Variants in FANCB observed in about 807,000 individuals in gnomAD.
FANCB encodes Fanconi anemia group B protein.
A neutral mutation model predicts 38.9 loss-of-function variants in FANCB; 5 were observed. The ratio of observed to expected loss-of-function variants is 0.13; its 90% CI spans 0.07 to 0.27. The LOEUF is 0.27. Ranked by LOEUF, FANCB falls within the 10% of genes least tolerant of loss-of-function variation. The pLI is 1.00. For synonymous variants in FANCB, 236 were observed against 215.4 expected (o/e 1.10, Z -0.84); for missense variants, 573 against 602.7 (o/e 0.95, Z 0.52).
the FANCB span, among the ~76,000 whole-genome samples, chrX:14,790,620 G>A: frequency 1.1e-4 from 12 of 111,939 alleles, no homozygotes; most frequent in Non-Finnish European, 2.3e-4. Flanking sequence ...CTATCATGTT[G>A]AGATGCAGCC....
At chrX:14,698,490 C>A in the FANCB span, among the ~76,000 whole-genome samples, 1 of 108,329 alleles carries the variant, frequency 9.2e-6, no homozygotes, top group African/African-American at 3.4e-5. Context: ...ACCAGCCTGG[C>A]CAACATGTGA....
the FANCB span, among the ~76,000 whole-genome samples, chrX:14,765,255 T>C: frequency 9.0e-6 from 1 of 111,485 alleles, no homozygotes; most frequent in Non-Finnish European, 1.9e-5. Context: ...AATTGCAACT[T>C]TAGGAGAGAC....
downstream of FANCB, among the ~76,000 whole-genome samples, chrX:14,840,096 C>T (rs941863329): frequency 1.8e-5 from 2 of 111,848 alleles, no homozygotes; most frequent in East Asian, 2.8e-4. Context: ...CTCAGGTGAT[C>T]GGCCCACCTC....
At chrX:14,705,187 C>G in the FANCB span, among the ~76,000 whole-genome samples, 1 of 112,086 alleles carries the variant, frequency 8.9e-6, no homozygotes, top group Non-Finnish European at 1.9e-5. Context: ...CTTATCCTGC[C>G]TTGCTGATAC....
chrX:14,736,329 C>T, the FANCB span, among the ~76,000 whole-genome samples: 6 of 111,291 alleles, frequency 5.4e-5, no homozygotes, highest in South Asian at 3.8e-4. Flanking sequence ...CCCAAATGGC[C>T]GCCCAGTTTA....
the FANCB span, among the ~76,000 whole-genome samples, chrX:14,829,523 G>C: frequency 3.6e-4 from 40 of 111,224 alleles, no homozygotes; most frequent in Admixed American, 3.5e-3. Context: ...TTAAAAATCT[G>C]ATGTTTAGTA....
At chrX:14,815,987 A>G in the FANCB span, among the ~76,000 whole-genome samples, 2 of 112,034 alleles carry the variant, frequency 1.8e-5, no homozygotes, top group African/African-American at 6.5e-5. Context: ...AAAGTGTAGA[A>G]TAACAGACAT....
the FANCB span, among the ~76,000 whole-genome samples, chrX:14,787,788 C>A: frequency 1.0e-5 from 1 of 100,043 alleles, no homozygotes; most frequent in Non-Finnish European, 2.0e-5. Flanking sequence ...ATGAAACAGA[C>A]GTGACTTAGA....
chrX:14,744,007 T>C, the FANCB span, among the ~76,000 whole-genome samples: 1 of 112,097 alleles, frequency 8.9e-6, no homozygotes, highest in African/African-American at 3.2e-5. Flanking sequence ...AAGATCCTAT[T>C]TCCAAGTAAG....
chrX:14,795,417 T>C, the FANCB span, among the ~76,000 whole-genome samples: 1 of 111,622 alleles, frequency 9.0e-6, no homozygotes, highest in East Asian at 2.8e-4. Flanking sequence ...GAGAAGCCAG[T>C]CTTTAATGGT....
the FANCB span, among the ~76,000 whole-genome samples, chrX:14,721,790 CCT>C: frequency 4.5e-5 from 5 of 111,263 alleles, no homozygotes; most frequent in African/African-American, 1.3e-4. Context: ...AGTTCTTTGT[CCT>C]CTCTCAGTTT....
the FANCB span, among the ~76,000 whole-genome samples, chrX:14,774,481 G>A: frequency 9.0e-6 from 1 of 111,637 alleles, no homozygotes; most frequent in Non-Finnish European, 1.9e-5. Context: ...ATGGCAATAG[G>A]GACAATTGGG....
At chrX:14,768,428 A>C in the FANCB span, among the ~76,000 whole-genome samples, 2 of 110,856 alleles carry the variant, frequency 1.8e-5, no homozygotes, top group African/African-American at 6.6e-5. Context: ...AGCAATTGTG[A>C]ATGGGCGTTC....
chrX:14,716,223 T>C, the FANCB span, among the ~76,000 whole-genome samples: 1 of 111,648 alleles, frequency 9.0e-6, no homozygotes, highest in Non-Finnish European at 1.9e-5. Flanking sequence ...GCCAGCATTA[T>C]AGTCCTATAC....
the FANCB span, among the ~76,000 whole-genome samples, chrX:14,799,316 C>T: frequency 1.8e-5 from 2 of 111,897 alleles, no homozygotes; most frequent in Non-Finnish European, 3.8e-5. Flanking sequence ...TTCCTTCTCG[C>T]AAAGTTGTCA....
chrX:14,846,923 G>A (rs1387558753), intron 7 of FANCB, among the ~76,000 whole-genome samples: 3 of 109,987 alleles, frequency 2.7e-5, no homozygotes, highest in Non-Finnish European at 5.7e-5. Flanking sequence ...TCTGGCTCAC[G>A]ATTTGAAAAA....
chrX:14,740,854 TTCTC>T, the FANCB span, among the ~76,000 whole-genome samples: 3 of 111,090 alleles, frequency 2.7e-5, no homozygotes, highest in African/African-American at 3.3e-5. Flanking sequence ...TCCCAATAAT[TTCTC>T]TCTATTTCCC....
At chrX:14,804,056 C>T in the FANCB span, among the ~76,000 whole-genome samples, 6 of 111,923 alleles carry the variant, frequency 5.4e-5, no homozygotes, top group South Asian at 2.3e-3. Context: ...CTAGTTCAAC[C>T]ATTGTGGAAG....
At chrX:14,696,234 G>A in the FANCB span, among the ~76,000 whole-genome samples, 1 of 102,511 alleles carries the variant, frequency 9.8e-6, no homozygotes, top group Non-Finnish European at 2.0e-5. Flanking sequence ...GAGGGAGGGA[G>A]GGAGGGACGG....
Sources: gnomAD v4.1 joint callset for allele counts (sites outside exome capture counted in the v4.1 genomes callset) on GRCh38, gnomAD v4.1.1 for gene constraint, MANE v1.5 for transcripts, NCBI Gene and HGNC (gene_info 2026-07-23, HGNC 2026-07-21) for gene names.